BACE2: variants seen among roughly 807,000 people sequenced by gnomAD.
The protein encoded by BACE2 is 56 kDa aspartic-like protease.
Under a neutral mutation model 46.2 loss-of-function variants are expected in BACE2, and 17 were observed. That is an observed-to-expected ratio of 0.37 (90% CI 0.25 to 0.55). The LOEUF (loss-of-function observed/expected upper bound fraction) is 0.55. BACE2 is among the 20% of genes least tolerant of loss of function. BACE2 has a pLI of 0.82. For missense variants in BACE2, 595 were observed against 698.1 expected (o/e 0.85, Z 1.66); for synonymous variants, 277 against 295.9 (o/e 0.94, Z 0.66).
chr21:41,192,224 T>C (rs1446342997), intron 1 of BACE2, among the ~76,000 whole-genome samples: 1 of 152,194 alleles, frequency 6.6e-6, no homozygotes, highest in East Asian at 1.9e-4. Flanking sequence ...TAGTCTTCTC[T>C]TCCTCTGTCA....
intron 1 of BACE2, chr21:41,178,438 T>C (rs1984940915): frequency 6.6e-6 from 1 of 152,266 alleles, no homozygotes; most frequent in Non-Finnish European, 1.5e-5. Context: ...TTTTTCTTTC[T>C]TTCTTCGGCA....
chr21:41,237,705 C>T lies in BACE2; in HGVS notation c.594C>T (p.Gly198=), dbSNP rs569055189. Residue 198 remains glycine, a synonymous_variant, in exon 3 of 9, where the codon GGC becomes GGT. Transcript: ENST00000330333. ...LPGIKWNGIL[G]LAYATLAKPS... The stretch of plus-strand genomic sequence containing the variant: ...GGATTAAATGGAATGGAATACTTGG[C>T]CTAGCTTATGCCACACTTGCCAAGG... The T allele has an allele frequency of 6.2e-7, 1 of 1,613,984 alleles. No homozygotes were observed. The highest frequency in any genetic ancestry group is 1.1e-5 in the South Asian group (1 of 91,074).
At chr21:41,271,870 TTTAAAA>T (rs1330638075) in intron 8 of BACE2, among the ~76,000 whole-genome samples, 2 of 152,188 alleles carry the variant, frequency 1.3e-5, no homozygotes, top group African/African-American at 4.8e-5. Flanking sequence ...TTTGTAAATA[TTTAAAA>T]TTAAAAGTAA....
At chr21:41,242,376 C>T (rs943273742) in intron 4 of BACE2, among the ~76,000 whole-genome samples, 5 of 152,198 alleles carry the variant, frequency 3.3e-5, no homozygotes, top group East Asian at 1.9e-4. Flanking sequence ...CAGGCACACA[C>T]GCACCACAGC....
chr21:41,272,367 T>G (rs531623298), intron 8 of BACE2, among the ~76,000 whole-genome samples: 1 of 152,040 alleles, frequency 6.6e-6, no homozygotes, highest in African/African-American at 2.4e-5. Flanking sequence ...ATTTGGAAAA[T>G]TTTTGGTTTT....
At position 41,275,774 on chromosome 21, in the gene BACE2, G is replaced by A; in HGVS notation, c.*150G>A. 2 of 869,120 alleles carry A rather than the reference G, an allele frequency of 2.3e-6. No homozygotes were observed. The highest frequency in any genetic ancestry group is 2.7e-5 in the East Asian group (1 of 37,394). The allele number at this position is 869,120 out of a possible 1,614,324, so 53.8% of individuals were successfully genotyped here. A position where few individuals can be genotyped will look rare whatever the true frequency, so the allele number is the denominator to read the frequency against. ...CTCCCAGATGCCTTCTAGATTCACT[G>A]TCTTTTGATTCTTGATTTTCAAGCT... On this transcript the variant is annotated 3_prime_UTR_variant, in exon 9 of 9. Coordinates refer to ENST00000330333, the MANE Select transcript of BACE2 (RefSeq NM_012105.5).
At chr21:41,169,386 T>G in intron 1 of BACE2, among the ~76,000 whole-genome samples, 1 of 151,174 alleles carries the variant, frequency 6.6e-6, no homozygotes. Context: ...TTTCTCTTAC[T>G]CTGATGTTCA....
At chr21:41,176,709 G>A (rs1156233701) in intron 1 of BACE2, 1 of 152,190 alleles carries the variant, frequency 6.6e-6, no homozygotes, top group African/African-American at 2.4e-5. Flanking sequence ...AAAACACGCA[G>A]TTTTTTCTAG....
chr21:41,178,366 A>G (rs1244645656), intron 1 of BACE2: 1 of 152,166 alleles, frequency 6.6e-6, no homozygotes, highest in African/African-American at 2.4e-5. Flanking sequence ...ATCACTTATA[A>G]CTGGAGTGAC....
chr21:41,272,778 A>G (rs995650387), intron 8 of BACE2, among the ~76,000 whole-genome samples: 25 of 152,082 alleles, frequency 1.6e-4, no homozygotes, highest in Admixed American at 1.3e-4. Context: ...CTAAGTTCCA[A>G]TTGATTGATT....
At chr21:41,266,651 C>A (rs1988074809) in intron 8 of BACE2, among the ~76,000 whole-genome samples, 1 of 152,222 alleles carries the variant, frequency 6.6e-6, no homozygotes, top group Admixed American at 6.5e-5. Flanking sequence ...CTTCTGTTGG[C>A]AGAATTTCCC....
intron 1 of BACE2, among the ~76,000 whole-genome samples, chr21:41,217,732 G>C (rs1222334917): frequency 6.6e-6 from 1 of 152,234 alleles, no homozygotes; most frequent in African/African-American, 2.4e-5. Context: ...ATAATCCTAA[G>C]CTGGATGCAA....
intron 1 of BACE2, chr21:41,184,455 A>G (rs1038528604): frequency 3.0e-5 from 5 of 167,116 alleles, no homozygotes; most frequent in African/African-American, 1.2e-4. Context: ...AAAACTGGCC[A>G]ATTCTTTCCT....
intron 1 of BACE2, chr21:41,186,938 T>C (rs1985398429): frequency 6.6e-6 from 1 of 152,640 alleles, no homozygotes; most frequent in South Asian, 2.1e-4. Context: ...CTTCTGGGTG[T>C]TGCCATGGAA....
intron 1 of BACE2, among the ~76,000 whole-genome samples, chr21:41,195,719 TCA>T (rs1456341605): frequency 2.6e-5 from 4 of 152,178 alleles, no homozygotes; most frequent in Non-Finnish European, 5.9e-5. Context: ...AGCAGGCCCG[TCA>T]CGTTGGATGC....
At chr21:41,169,708 A>C (rs114194526) in intron 1 of BACE2, among the ~76,000 whole-genome samples, 36 of 152,372 alleles carry the variant, frequency 2.4e-4, no homozygotes, top group African/African-American at 8.7e-4. Context: ...TCTTTTAAAA[A>C]AGGAAACTGC....
At position 41,168,379 on chromosome 21, in the gene BACE2, C is replaced by T; in HGVS notation, c.116C>T (p.Thr39Met). 7.1e-7 allele frequency: 1 copy of T among 1,408,784 alleles called. No individual in the cohort carries two copies. The highest frequency in any genetic ancestry group is 9.3e-7 in the Non-Finnish European group (1 of 1,078,210). The allele number at this position is 1,408,784 out of a possible 1,614,324, so 87.3% of individuals were successfully genotyped here. Residue 39 changes from threonine (T) to methionine (M), a missense_variant, in exon 1 of 9, where the codon ACG becomes ATG. Coordinates refer to ENST00000330333, the MANE Select transcript of BACE2 (RefSeq NM_012105.5). ...FTLPLRVAAA[T>M]NRVVAPTPGP... ...CTGCCCCTCCGGGTGGCCGCGGCCA[C>T]GAACCGCGTAGTTGCGCCCACCCCG...
chr21:41,231,456 T>A (rs1383426429), intron 2 of BACE2, among the ~76,000 whole-genome samples: 1 of 152,108 alleles, frequency 6.6e-6, no homozygotes, highest in Non-Finnish European at 1.5e-5. Context: ...ATTCCCTGGG[T>A]CGAATGGCTT....
chr21:41,262,895 A>T (rs1987975733), intron 8 of BACE2, among the ~76,000 whole-genome samples: 1 of 152,110 alleles, frequency 6.6e-6, no homozygotes. Flanking sequence ...TGGTTTTTAG[A>T]GTCGTTTGAA....
Sources: gnomAD v4.1 joint callset for allele counts (sites outside exome capture counted in the v4.1 genomes callset) on GRCh38, gnomAD v4.1.1 for gene constraint, MANE v1.5 for transcripts, NCBI Gene and HGNC (gene_info 2026-07-23, HGNC 2026-07-21) for gene names.